The following LMBR1 variants were observed in gnomAD, a reference collection of about 807,000 sequenced individuals.
LMBR1 encodes the protein limb region 1 protein homolog.
LMBR1 carries 52 observed loss-of-function variants against 73.9 expected under a neutral mutation model. The ratio of observed to expected loss-of-function variants is 0.70; its 90% CI spans 0.56 to 0.89. The LOEUF (loss-of-function observed/expected upper bound fraction) is 0.89, where lower values mean the gene tolerates loss of function less well. Ranked by LOEUF, LMBR1 falls within the 40% of genes least tolerant of loss-of-function variation. LMBR1 has a pLI of 0.00. For missense variants in LMBR1, 539 were observed against 579.8 expected, an observed-to-expected ratio of 0.93 and a Z score of 0.72; for synonymous variants, 215 against 209.4, an observed-to-expected ratio of 1.03 and a Z score of -0.23.
chr7:156,709,061 C>G (rs1187737638), intron 15 of LMBR1, among the ~76,000 whole-genome samples: 1 of 152,192 alleles, frequency 6.6e-6, no homozygotes, highest in African/African-American at 2.4e-5. Context: ...TTGCCCCCAG[C>G]TGATGGTATT....
chr7:156,697,538 C>T (rs1234496228), intron 15 of LMBR1, among the ~76,000 whole-genome samples: 1 of 152,120 alleles, frequency 6.6e-6, no homozygotes, highest in Non-Finnish European at 1.5e-5. Context: ...ATAGACCTCC[C>T]CCCAGGAATG....
At chr7:156,790,452 G>A (rs1829005533) in intron 5 of LMBR1, among the ~76,000 whole-genome samples, 1 of 151,984 alleles carries the variant, frequency 6.6e-6, no homozygotes, top group African/African-American at 2.4e-5. Flanking sequence ...TGAAGTCCAG[G>A]TATTCTGAAT....
At chr7:156,676,673 G>C (rs1277034332), downstream of LMBR1, 1 of 1,598,102 alleles carries the variant, frequency 6.3e-7, no homozygotes. Context: ...GTCAAGGAAA[G>C]TTAGGTAATT....
intron 1 of LMBR1, among the ~76,000 whole-genome samples, chr7:156,854,761 T>C (rs1176464273): frequency 6.6e-6 from 1 of 152,150 alleles, no homozygotes; most frequent in Non-Finnish European, 1.5e-5. Context: ...CTACAAAATG[T>C]TCCCCTCAAT....
intron 4 of LMBR1, among the ~76,000 whole-genome samples, chr7:156,810,107 T>C (rs1186329895): frequency 6.6e-6 from 1 of 152,096 alleles, no homozygotes; most frequent in Non-Finnish European, 1.5e-5. Context: ...CTCACAGTTC[T>C]ACAGGCTGTA....
chr7:156,714,989 T>C (rs1165924654), intron 15 of LMBR1, among the ~76,000 whole-genome samples: 3 of 151,234 alleles, frequency 2.0e-5, no homozygotes, highest in African/African-American at 7.3e-5. Context: ...TCTCGCTCTG[T>C]CACCCAGGCT....
chr7:156,711,425 T>TA (rs1321021169), intron 15 of LMBR1, among the ~76,000 whole-genome samples: 3 of 152,270 alleles, frequency 2.0e-5, no homozygotes, highest in Admixed American at 2.0e-4. Context: ...ATGACCACAC[T>TA]ACTGCAAACA....
intron 15 of LMBR1, among the ~76,000 whole-genome samples, chr7:156,697,629 T>C (rs1808612144): frequency 6.6e-6 from 1 of 152,210 alleles, no homozygotes; most frequent in African/African-American, 2.4e-5. Context: ...TGCATGTCCA[T>C]TTATTGACTC....
At chr7:156,731,738 A>G (rs1179428083) in intron 10 of LMBR1, among the ~76,000 whole-genome samples, 1 of 152,180 alleles carries the variant, frequency 6.6e-6, no homozygotes, top group African/African-American at 2.4e-5. Context: ...GAATTAGAAT[A>G]CCAAAGAAAC....
At chr7:156,843,383 C>T (rs1478667702) in intron 1 of LMBR1, among the ~76,000 whole-genome samples, 3 of 152,108 alleles carry the variant, frequency 2.0e-5, no homozygotes, top group Admixed American at 2.0e-4. Flanking sequence ...TAAGGGTAGG[C>T]TGATGGACAG....
At chr7:156,879,392 C>T (rs1031478929) in intron 1 of LMBR1, among the ~76,000 whole-genome samples, 8 of 152,034 alleles carry the variant, frequency 5.3e-5, no homozygotes, top group South Asian at 2.1e-4. Context: ...TGGCCGGGCA[C>T]GGTGGCTCAC....
intron 9 of LMBR1, among the ~76,000 whole-genome samples, chr7:156,745,071 T>C (rs1253053565): frequency 1.3e-5 from 2 of 152,238 alleles, no homozygotes; most frequent in Non-Finnish European, 2.9e-5. Flanking sequence ...ACCTTTGCCA[T>C]GTAAGGTAAC....
chr7:156,869,351 T>G (rs1798935815), intron 1 of LMBR1, among the ~76,000 whole-genome samples: 2 of 152,196 alleles, frequency 1.3e-5, no homozygotes, highest in Non-Finnish European at 2.9e-5. Context: ...AGACTTTATA[T>G]TCTGTCTTAT....
At chr7:156,676,969 GTAAGTTCCAAATGTAAAACACTCCT>G (rs1804177868), downstream of LMBR1, 2 of 264,468 alleles carry the variant, frequency 7.6e-6, no homozygotes, top group African/African-American at 4.3e-5. Context: ...ACTCCTTAAA[GTAAGTTCCAAATGTAAAACACTCCT>G]TAAGTTCCAA....
intron 4 of LMBR1, among the ~76,000 whole-genome samples, chr7:156,799,170 A>C (rs181822157): frequency 0.032 from 4,788 of 151,648 alleles, 122 homozygotes; most frequent in South Asian, 0.084. Flanking sequence ...CCACTGCACT[A>C]CAGCCTGGGC....
At chr7:156,787,453 T>TC (rs759438915) in intron 5 of LMBR1, among the ~76,000 whole-genome samples, 39 of 151,244 alleles carry the variant, frequency 2.6e-4, no homozygotes, top group Non-Finnish European at 5.3e-4. Flanking sequence ...CTGTTTAACT[T>TC]CCTTTAAACC....
Position 156,739,308 on chromosome 7 carries a change from T to C in LMBR1, c.758-5051A>G, listed in dbSNP as rs116623017. 6.3e-3 allele frequency among the ~76,000 whole-genome samples: 950 copies of C among 151,982 alleles called. 10 individuals are homozygous for C. The highest frequency in any genetic ancestry group is 0.022 in the African/African-American group (905 of 41,438). On this transcript the variant is annotated intron_variant, in intron 9 of 16. Transcript: ENST00000353442. ...GAACACCAACTAGATTTCTAAAGTT[T>C]CTGACTTCAAACTCTGCCTCCCAGA...
intron 16 of LMBR1, among the ~76,000 whole-genome samples, chr7:156,686,424 A>G (rs1335238680): frequency 6.6e-6 from 1 of 152,212 alleles, no homozygotes; most frequent in Non-Finnish European, 1.5e-5. Context: ...TTACAATCAA[A>G]TTACAAGTCT....
intron 1 of LMBR1, among the ~76,000 whole-genome samples, chr7:156,853,681 A>G (rs532180955): frequency 6.6e-6 from 1 of 152,264 alleles, no homozygotes; most frequent in South Asian, 2.1e-4. Context: ...TTTGAGACAA[A>G]GTGTCATCCT....
Sources: gnomAD v4.1 joint callset for allele counts (sites outside exome capture counted in the v4.1 genomes callset) on GRCh38, gnomAD v4.1.1 for gene constraint, MANE v1.5 for transcripts, NCBI Gene and HGNC (gene_info 2026-07-23, HGNC 2026-07-21) for gene names.